ABCA13: variants seen among roughly 807,000 people sequenced by gnomAD.
The protein encoded by ABCA13 is ATP binding cassette subfamily A member 13, also known as ATP-binding cassette sub-family A member 13.
In ABCA13, 476 loss-of-function variants were observed where a neutral mutation model predicts 478.7. The ratio of observed to expected loss-of-function variants is 0.99; its 90% CI spans 0.92 to 1.07. The LOEUF (loss-of-function observed/expected upper bound fraction) is 1.07. Ranked by LOEUF, ABCA13 falls within the 50% of genes least tolerant of loss-of-function variation. The pLI, the probability that ABCA13 is intolerant of heterozygous loss-of-function variation, is 0.00. For missense variants in ABCA13, 6,060 were observed against 5,910.6 expected (o/e 1.03, Z -0.83); for synonymous variants, 2,252 against 2,158.9 (o/e 1.04, Z -1.20).
chr7:48,395,466 G>T (rs80153348), intron 38 of ABCA13, among the ~76,000 whole-genome samples: 1 of 152,184 alleles, frequency 6.6e-6, no homozygotes, highest in Non-Finnish European at 1.5e-5. Flanking sequence ...AACAACACAG[G>T]TTTGAACCCT....
chr7:48,513,601 A>G (rs918115942), intron 51 of ABCA13, among the ~76,000 whole-genome samples: 2 of 152,178 alleles, frequency 1.3e-5, no homozygotes, highest in Admixed American at 6.5e-5. Context: ...GCCGATTTTC[A>G]AAAGGGGAAT....
In ABCA13 at chr7:48,481,615, C is replaced by T. The variant is rs184096879; in HGVS notation, c.13094+461C>T. 3.4e-4 allele frequency among the ~76,000 whole-genome samples: 51 copies of T among 151,164 alleles called. 1 individual carries two copies. The highest frequency in any genetic ancestry group is 6.3e-4 in the Non-Finnish European group (43 of 67,888). On this transcript the variant is annotated intron_variant, in intron 46 of 61. Coordinates refer to ENST00000435803, the MANE Select transcript of ABCA13 (RefSeq NM_152701.5). The stretch of plus-strand genomic sequence containing the variant: ...CCACCTCCCAGGTTCAAGAGATTCT[C>T]GTGCCTCAGCCTCCCGAGTAGCTGG...
chr7:48,629,429 A>G (rs979342141), intron 59 of ABCA13, among the ~76,000 whole-genome samples: 4 of 152,160 alleles, frequency 2.6e-5, no homozygotes, highest in Non-Finnish European at 4.4e-5. Context: ...AGTTCAAACT[A>G]TGAGCATAAA....
At chr7:48,320,545 C>T (rs1053074784) in intron 27 of ABCA13, among the ~76,000 whole-genome samples, 1 of 152,158 alleles carries the variant, frequency 6.6e-6, no homozygotes, top group African/African-American at 2.4e-5. Context: ...TATTAGTATG[C>T]TCTTTTTATT....
chr7:48,384,137 G>A (rs1169499658), intron 35 of ABCA13, among the ~76,000 whole-genome samples: 2 of 152,128 alleles, frequency 1.3e-5, no homozygotes, highest in Non-Finnish European at 2.9e-5. Context: ...CCTTGCTAAG[G>A]GTGGTGCCCA....
chr7:48,334,481 C>G (rs1805912512), intron 27 of ABCA13, among the ~76,000 whole-genome samples: 1 of 152,076 alleles, frequency 6.6e-6, no homozygotes, highest in South Asian at 2.1e-4. Context: ...ATTACAGGTG[C>G]CTGCCACCGT....
At chr7:48,184,073 A>G (rs973748148) in intron 1 of ABCA13, among the ~76,000 whole-genome samples, 1 of 152,226 alleles carries the variant, frequency 6.6e-6, no homozygotes, top group East Asian at 1.9e-4. Flanking sequence ...ATTGCTGTCC[A>G]AAGTTCCTGT....
Position 48,278,832 on chromosome 7 carries a change from C to T in ABCA13, c.7638C>T (p.Ser2546=), listed in dbSNP as rs771013988. ...CAGTTTTTAAAACTCATTTTATCTC[C>T]AATACCAAGGACAGTGTGAAATTCT... The part of the protein sequence containing the change: ...MSTVFKTHFI[S]NTKDSVKFFD... The change falls in exon 18 of 62, where the codon TCC becomes TCT. Residue 2546 remains serine, a synonymous_variant. Transcript: ENST00000435803. The T allele has an allele frequency of 1.5e-5, 24 of 1,613,624 alleles. 3 individuals carry two copies. The Middle Eastern group carries it at 6.6e-4, about 44-fold the overall frequency.
chr7:48,177,348 A>C (rs1795016301), intron 1 of ABCA13, among the ~76,000 whole-genome samples: 1 of 152,192 alleles, frequency 6.6e-6, no homozygotes, highest in Non-Finnish European at 1.5e-5. Flanking sequence ...CTACTCTTGA[A>C]CTGCTCCTAT....
chr7:48,235,689 T>C (rs888884751), intron 8 of ABCA13, among the ~76,000 whole-genome samples: 29 of 152,188 alleles, frequency 1.9e-4, no homozygotes, highest in Admixed American at 8.5e-4. Context: ...GAGGAAAAAT[T>C]CTTTTTTTCT....
At chr7:48,564,616 A>C (rs1178214085) in intron 55 of ABCA13, among the ~76,000 whole-genome samples, 1 of 151,946 alleles carries the variant, frequency 6.6e-6, no homozygotes, top group Non-Finnish European at 1.5e-5. Context: ...TAACATTCTC[A>C]ATCTATCAAT....
intron 58 of ABCA13, among the ~76,000 whole-genome samples, chr7:48,612,464 T>G (rs1792120100): frequency 6.6e-6 from 1 of 152,210 alleles, no homozygotes; most frequent in South Asian, 2.1e-4. Flanking sequence ...ATATTGACAG[T>G]CATACTTTTT....
chr7:48,192,699 C>T (rs1797260401), intron 1 of ABCA13, among the ~76,000 whole-genome samples: 1 of 152,072 alleles, frequency 6.6e-6, no homozygotes, highest in African/African-American at 2.4e-5. Flanking sequence ...TCTGTAATGT[C>T]ATAAGTTCTG....
At chr7:48,430,765 C>T (rs1822043846) in intron 42 of ABCA13, among the ~76,000 whole-genome samples, 1 of 150,556 alleles carries the variant, frequency 6.6e-6, no homozygotes, top group Non-Finnish European at 1.5e-5. Flanking sequence ...GTTAATCTAG[C>T]TGAAGTGTTG....
intron 59 of ABCA13, among the ~76,000 whole-genome samples, chr7:48,621,450 G>C (rs1031102934): frequency 3.9e-5 from 6 of 152,082 alleles, no homozygotes; most frequent in Non-Finnish European, 8.8e-5. Context: ...ATGACAACCA[G>C]TCCAGTCCTG....
Position 48,647,349 on chromosome 7 carries a change from T to C in ABCA13, c.*1837T>C, listed in dbSNP as rs532550628. The C allele has an allele frequency of 1.3e-5, 2 of 152,232 alleles. No homozygotes were observed. Among genetic ancestry groups the C allele is most frequent in the African/African-American group, 4.8e-5 (2 of 41,468 alleles). The allele number at this position is 152,232 out of a possible 1,614,324, so 9.4% of individuals were successfully genotyped here. On this transcript the variant is annotated 3_prime_UTR_variant, in exon 62 of 62. Transcript: ENST00000435803. ...AAATAAATTACAGTTTATGGCTGTA[T>C]GATTTATTCTCTAATTCTAACATAG...
At chr7:48,442,437 T>G (rs1420388433) in intron 42 of ABCA13, among the ~76,000 whole-genome samples, 1 of 152,228 alleles carries the variant, frequency 6.6e-6, no homozygotes, top group Non-Finnish European at 1.5e-5. Flanking sequence ...ATCCTCTTTC[T>G]TATGGTTATA....
chr7:48,392,281 A>G (rs1816191933), intron 38 of ABCA13, 142 bp downstream of exon 38: 5 of 807,524 alleles, frequency 6.2e-6, no homozygotes, highest in African/African-American at 1.7e-5. Context: ...TTAACTATGG[A>G]ATTATGACAC....
chr7:48,202,816 G>A (rs1483981395), intron 3 of ABCA13, among the ~76,000 whole-genome samples: 3 of 152,266 alleles, frequency 2.0e-5, no homozygotes, highest in African/African-American at 7.2e-5. Flanking sequence ...GTTCTCCAAG[G>A]CCCCACCAGA....
Sources: gnomAD v4.1 joint callset for allele counts (sites outside exome capture counted in the v4.1 genomes callset) on GRCh38, gnomAD v4.1.1 for gene constraint, MANE v1.5 for transcripts, NCBI Gene and HGNC (gene_info 2026-07-23, HGNC 2026-07-21) for gene names.